Variants in EPHA3 observed in about 807,000 individuals in gnomAD.
EPHA3 encodes EPH receptor A3.
In EPHA3, 42 loss-of-function variants were observed where a neutral mutation model predicts 107.1. The ratio of observed to expected loss-of-function variants is 0.39; its 90% CI spans 0.31 to 0.51. EPHA3 has a LOEUF of 0.51. Ranked by LOEUF, EPHA3 falls within the 20% of genes least tolerant of loss-of-function variation. The pLI is 0.78. For missense variants in EPHA3, 1,183 were observed against 1,211.2 expected (o/e 0.98, Z 0.35); for synonymous variants, 461 against 424.8 (o/e 1.09, Z -1.05).
At chr3:89,115,061 T>A (rs1371056884) in intron 1 of EPHA3, among the ~76,000 whole-genome samples, 1 of 152,130 alleles carries the variant, frequency 6.6e-6, no homozygotes, top group Admixed American at 6.5e-5. Context: ...GAAGGAGATA[T>A]TCTGCAAGGT....
At chr3:89,174,102 G>A (rs565677746) in intron 2 of EPHA3, among the ~76,000 whole-genome samples, 2 of 152,072 alleles carry the variant, frequency 1.3e-5, no homozygotes, top group African/African-American at 4.8e-5. Context: ...GACTCATGGA[G>A]ATAAGTTATA....
chr3:89,303,915 C>A (rs1706550212), intron 3 of EPHA3, among the ~76,000 whole-genome samples: 1 of 152,112 alleles, frequency 6.6e-6, no homozygotes, highest in African/African-American at 2.4e-5. Flanking sequence ...GCTATCCCTT[C>A]ATGTATTTCT....
chr3:89,146,404 C>G (rs1206666277), intron 2 of EPHA3, among the ~76,000 whole-genome samples: 1 of 151,856 alleles, frequency 6.6e-6, no homozygotes. Flanking sequence ...TGATGATGAG[C>G]TTTTATTCAT....
chr3:89,343,653 C>G (rs1452195657), intron 5 of EPHA3, among the ~76,000 whole-genome samples: 1 of 152,192 alleles, frequency 6.6e-6, no homozygotes, highest in Non-Finnish European at 1.5e-5. Flanking sequence ...CTAAATTTCT[C>G]TTTCGTTTCC....
In EPHA3 at chr3:89,374,216, A is replaced by G. The variant is rs564128127; in HGVS notation, c.1307-21621A>G. ...CCACATACAAAAGAGAACTGCAAAC[A>G]GTTGGAGCCAGACACATCTTGAGGC... On this transcript the variant is annotated intron_variant, in intron 5 of 16. Transcript: ENST00000336596. 1.1e-4 allele frequency among the ~76,000 whole-genome samples: 16 copies of G among 152,046 alleles called. No individual in the cohort carries two copies. The East Asian group carries it at 3.1e-3, about 29-fold the overall frequency.
chr3:89,338,634 C>T (rs558314075), intron 3 of EPHA3, among the ~76,000 whole-genome samples: 5 of 152,302 alleles, frequency 3.3e-5, no homozygotes, highest in African/African-American at 7.2e-5. Context: ...CTGCAAGCTC[C>T]GCCTCCCTGG....
At chr3:89,167,440 T>C (rs1705098767) in intron 2 of EPHA3, among the ~76,000 whole-genome samples, 1 of 151,434 alleles carries the variant, frequency 6.6e-6, no homozygotes, top group Non-Finnish European at 1.5e-5. Flanking sequence ...AATGAGAAAA[T>C]GAAGTAGGGA....
intron 5 of EPHA3, among the ~76,000 whole-genome samples, chr3:89,353,715 A>C (rs1272638401): frequency 6.6e-6 from 1 of 151,304 alleles, no homozygotes; most frequent in African/African-American, 2.4e-5. Context: ...ACATTGCGTA[A>C]CTGTAGAATG....
At chr3:89,227,289 T>C (rs1048530206) in intron 3 of EPHA3, among the ~76,000 whole-genome samples, 5 of 152,046 alleles carry the variant, frequency 3.3e-5, no homozygotes, top group Non-Finnish European at 5.9e-5. Flanking sequence ...GTGAATTATT[T>C]CAAAATTTCT....
At chr3:89,171,376 A>G (rs1399230455) in intron 2 of EPHA3, among the ~76,000 whole-genome samples, 3 of 152,222 alleles carry the variant, frequency 2.0e-5, no homozygotes, top group Non-Finnish European at 2.9e-5. Flanking sequence ...TCGGTTCTAA[A>G]GAAGGTGATA....
intron 2 of EPHA3, among the ~76,000 whole-genome samples, chr3:89,147,953 G>C (rs548748685): frequency 1.3e-5 from 2 of 151,970 alleles, no homozygotes; most frequent in East Asian, 3.9e-4. Flanking sequence ...GAATATTAAG[G>C]AAAAATAATG....
intron 2 of EPHA3, among the ~76,000 whole-genome samples, chr3:89,129,553 A>G (rs1277717721): frequency 6.6e-6 from 1 of 151,794 alleles, no homozygotes; most frequent in Non-Finnish European, 1.5e-5. Flanking sequence ...AAAGTTAACC[A>G]TAATATATAT....
intron 5 of EPHA3, among the ~76,000 whole-genome samples, chr3:89,354,024 C>A (rs1707891101): frequency 6.6e-6 from 1 of 151,252 alleles, no homozygotes; most frequent in African/African-American, 2.4e-5. Flanking sequence ...AACTAAAGCA[C>A]ATGGAAATTA....
intron 5 of EPHA3, among the ~76,000 whole-genome samples, chr3:89,377,619 A>G (rs545101389): frequency 6.6e-6 from 1 of 152,254 alleles, no homozygotes; most frequent in African/African-American, 2.4e-5. Flanking sequence ...GTAAACTTCA[A>G]GTTTGCTTTG....
intron 3 of EPHA3, among the ~76,000 whole-genome samples, chr3:89,301,145 C>T (rs560902604): frequency 2.4e-4 from 37 of 152,146 alleles, no homozygotes; most frequent in Non-Finnish European, 4.4e-4. Flanking sequence ...GTTAAAAATA[C>T]ATGAGTCATG....
intron 2 of EPHA3, among the ~76,000 whole-genome samples, chr3:89,194,092 G>A (rs1280823676): frequency 6.6e-6 from 1 of 151,846 alleles, no homozygotes; most frequent in South Asian, 2.1e-4. Flanking sequence ...TTTAGGTCAG[G>A]ATTAAAATGA....
chr3:89,468,911 A>G (rs925167254), intron 15 of EPHA3, among the ~76,000 whole-genome samples: 4 of 152,212 alleles, frequency 2.6e-5, no homozygotes, highest in African/African-American at 9.6e-5. Context: ...AATTATAAAA[A>G]TAAGCTGTTT....
At chr3:89,332,611 T>TA (rs1707312266) in intron 3 of EPHA3, among the ~76,000 whole-genome samples, 1 of 152,196 alleles carries the variant, frequency 6.6e-6, no homozygotes, top group African/African-American at 2.4e-5. Flanking sequence ...TGGCAAAGAA[T>TA]AGAGTTCCTG....
Position 89,107,699 on chromosome 3 carries a change from G to C in EPHA3, c.-50G>C. ...TCAGAGCGCTCCCCCTCACATCAGT[G>C]GCATGCTTCATGGAGATATGCTCCT... On this transcript the variant is annotated 5_prime_UTR_variant, in exon 1 of 17. Transcript: ENST00000336596. The C allele has an allele frequency of 6.5e-7, 1 of 1,536,404 alleles. No homozygotes were observed. The highest frequency in any genetic ancestry group is 9.0e-7 in the Non-Finnish European group (1 of 1,110,462).
Sources: gnomAD v4.1 joint callset for allele counts (sites outside exome capture counted in the v4.1 genomes callset) on GRCh38, gnomAD v4.1.1 for gene constraint, MANE v1.5 for transcripts, NCBI Gene and HGNC (gene_info 2026-07-23, HGNC 2026-07-21) for gene names.